The following NXPE4 variants were observed in gnomAD, a reference collection of about 807,000 sequenced individuals.
NXPE4 encodes the protein NXPE family member 4.
A neutral mutation model predicts 33.3 loss-of-function variants in NXPE4; 42 were observed. The ratio of observed to expected loss-of-function variants is 1.26; its 90% CI spans 0.98 to 1.63. NXPE4 has a LOEUF of 1.63. Ranked by LOEUF, NXPE4 falls within the 40% of genes most tolerant of loss-of-function variation. The pLI is 0.00. For synonymous variants in NXPE4, 253 were observed against 234.9 expected (o/e 1.08, Z -0.71); for missense variants, 709 against 647.6 (o/e 1.09, Z -1.03).
chr11:114,603,362 GA>G, the NXPE4 span, among the ~76,000 whole-genome samples: 6 of 150,866 alleles, frequency 4.0e-5, no homozygotes, highest in African/African-American at 1.5e-4. Context: ...CCTATTACCT[GA>G]CGGATGATAA....
rs373953147 is a variant in NXPE4, at chr11:114,571,379, A to G, written c.1194T>C (p.Tyr398=). The change falls in exon 6 of 6, where the codon TAT becomes TAC. Residue 398 remains tyrosine (Y), a synonymous_variant. Coordinates refer to ENST00000375478, the MANE Select transcript of NXPE4 (RefSeq NM_001077639.2). ...TCATTGATCCTATCAAGGGATAACA[A>G]TATTTTTGCCACTGGATGTTGATGT... ...DRNINIQWQK[Y]CYPLIGSMTY... 6 of 1,613,986 alleles carry G rather than the reference A, an allele frequency of 3.7e-6. No homozygotes were observed. The African/African-American group carries it at 6.7e-5, about 18-fold the overall frequency.
At chr11:114,616,758 GATA>G in the NXPE4 span, among the ~76,000 whole-genome samples, 1 of 151,638 alleles carries the variant, frequency 6.6e-6, no homozygotes, top group Non-Finnish European at 1.5e-5. Flanking sequence ...TTAACCGGTG[GATA>G]ATAAGTGTTG....
At chr11:114,601,709 TATTATATATTATA>T in the NXPE4 span, among the ~76,000 whole-genome samples, 1 of 57,954 alleles carries the variant, frequency 1.7e-5, no homozygotes, top group Non-Finnish European at 2.9e-5. Flanking sequence ...ATTCTTTATA[TATTATATATTATA>T]ATTATATATT....
At chr11:114,627,479 T>C in the NXPE4 span, among the ~76,000 whole-genome samples, 2 of 151,074 alleles carry the variant, frequency 1.3e-5, no homozygotes, top group African/African-American at 4.9e-5. Context: ...TGAGAGATTT[T>C]GTCACCACCA....
the NXPE4 span, among the ~76,000 whole-genome samples, chr11:114,607,519 G>A: frequency 6.6e-6 from 1 of 152,008 alleles, no homozygotes; most frequent in African/African-American, 2.4e-5. Flanking sequence ...TTTGCCTGGT[G>A]GGTAACCACT....
the NXPE4 span, among the ~76,000 whole-genome samples, chr11:114,658,935 G>A: frequency 6.6e-6 from 1 of 152,184 alleles, no homozygotes; most frequent in Non-Finnish European, 1.5e-5. Flanking sequence ...AGGGACAAGG[G>A]CATGAAGAGA....
the NXPE4 span, among the ~76,000 whole-genome samples, chr11:114,646,667 C>A: frequency 1.3e-5 from 2 of 151,740 alleles, no homozygotes; most frequent in African/African-American, 4.8e-5. Context: ...TAAAATAGAC[C>A]CAATTACCTC....
chr11:114,661,454 C>A, the NXPE4 span, among the ~76,000 whole-genome samples: 26 of 152,138 alleles, frequency 1.7e-4, no homozygotes, highest in African/African-American at 5.3e-4. Context: ...GGTGAGCCAG[C>A]CTCTAAGGTT....
chr11:114,676,516 C>A, the NXPE4 span, among the ~76,000 whole-genome samples: 2 of 151,832 alleles, frequency 1.3e-5, no homozygotes, highest in Non-Finnish European at 2.9e-5. Flanking sequence ...AAATGTCAAG[C>A]CTCACTAATC....
the NXPE4 span, among the ~76,000 whole-genome samples, chr11:114,621,929 C>T: frequency 6.6e-6 from 1 of 151,904 alleles, no homozygotes; most frequent in African/African-American, 2.4e-5. Context: ...TAAGTATTGC[C>T]TCATGGGTAA....
chr11:114,614,508 T>C, the NXPE4 span, among the ~76,000 whole-genome samples: 1 of 150,556 alleles, frequency 6.6e-6, no homozygotes. Flanking sequence ...CGGTGGATAA[T>C]AAATGTTGCC....
chr11:114,626,351 C>G, the NXPE4 span, among the ~76,000 whole-genome samples: 3 of 152,230 alleles, frequency 2.0e-5, no homozygotes, highest in Admixed American at 6.5e-5. Context: ...ACTGCCTCCT[C>G]AAGTGGGTCC....
At chr11:114,579,497 C>G (rs1949087477) in intron 5 of NXPE4, among the ~76,000 whole-genome samples, 1 of 152,166 alleles carries the variant, frequency 6.6e-6, no homozygotes, top group African/African-American at 2.4e-5. Context: ...TGTTAGACCC[C>G]AAGCCCATGC....
the NXPE4 span, among the ~76,000 whole-genome samples, chr11:114,615,407 T>C: frequency 1.3e-5 from 2 of 151,552 alleles, no homozygotes; most frequent in African/African-American, 4.8e-5. Flanking sequence ...GTAACCACAG[T>C]TACCCTATGG....
chr11:114,625,821 C>A, the NXPE4 span, among the ~76,000 whole-genome samples: 2 of 152,066 alleles, frequency 1.3e-5, no homozygotes, highest in Non-Finnish European at 2.9e-5. Flanking sequence ...GGTGAGCACA[C>A]CACGTGCAAG....
Position 114,571,113 on chromosome 11 carries a change from A to T in NXPE4, c.1460T>A (p.Phe487Tyr). 6.2e-7 allele frequency: 1 copy of T among 1,613,940 alleles called. No homozygotes were observed. The highest frequency in any genetic ancestry group is 1.1e-5 in the South Asian group (1 of 91,076). The change falls in exon 6 of 6, where the codon TTT becomes TAT. Residue 487 changes from phenylalanine to tyrosine, a missense_variant. By Grantham distance (22) the Phe-to-Tyr change is conservative. Transcript: ENST00000375478. ...IREMYNDAER[F>Y]SDFHGYIQYL... ...TTGAATGTAACCATGAAAGTCACTA[A>T]ATCTTTCTGCATCATTGTACATCTC...
the NXPE4 span, among the ~76,000 whole-genome samples, chr11:114,615,970 A>T: frequency 6.6e-6 from 1 of 151,440 alleles, no homozygotes; most frequent in South Asian, 2.1e-4. Context: ...TTGGATAATA[A>T]GTATTCTCTC....
chr11:114,603,094 ATTGTC>A, the NXPE4 span, among the ~76,000 whole-genome samples: 2 of 151,728 alleles, frequency 1.3e-5, no homozygotes, highest in African/African-American at 4.8e-5. Context: ...GATAATAATT[ATTGTC>A]TTGTCTCATA....
chr11:114,613,352 G>A, the NXPE4 span, among the ~76,000 whole-genome samples: 24 of 151,302 alleles, frequency 1.6e-4, no homozygotes, highest in Admixed American at 1.1e-3. Flanking sequence ...GTACTGCCTC[G>A]TGGATAACCA....
Sources: gnomAD v4.1 joint callset for allele counts (sites outside exome capture counted in the v4.1 genomes callset) on GRCh38, gnomAD v4.1.1 for gene constraint, MANE v1.5 for transcripts, NCBI Gene and HGNC (gene_info 2026-07-23, HGNC 2026-07-21) for gene names.